Variants in GLB1L3 observed in about 807,000 individuals in gnomAD.
The protein encoded by GLB1L3 is beta-galactosidase-1-like protein 3.
A neutral mutation model predicts 89.5 loss-of-function variants in GLB1L3; 89 were observed. The observed-to-expected ratio is 0.99, with a 90% confidence interval of 0.84 to 1.19. GLB1L3 has a LOEUF of 1.19. Ranked by LOEUF, GLB1L3 falls within the 50% of genes most tolerant of loss-of-function variation. The pLI is 0.00. For missense variants in GLB1L3, 812 were observed against 813.3 expected, an observed-to-expected ratio of 1.00 and a Z score of 0.02; for synonymous variants, 314 against 312.3, an observed-to-expected ratio of 1.01 and a Z score of -0.06.
chr11:134,293,329 T>C (rs1171855497), intron 9 of GLB1L3, 120 bp downstream of exon 9: 1 of 816,390 alleles, frequency 1.2e-6, no homozygotes, highest in Non-Finnish European at 2.0e-6. Context: ...TCACCCTGGG[T>C]CCTCGGCAGG....
rs528870199 is a variant in GLB1L3 at position 134,283,266 on chromosome 11, G to A, written c.528-471G>A. ...TTAGTGGAGACGGGAGTTTCGCCAC[G>A]TTGGCCAGGCTGGTCTCGAACTCCT... On this transcript the variant is annotated intron_variant, in intron 5 of 19. Transcript: ENST00000431683. Among the ~76,000 whole-genome samples, 6 of 152,244 alleles carry A rather than the reference G, an allele frequency of 3.9e-5. No homozygotes were observed. The South Asian group carries it at 6.2e-4, about 16-fold the overall frequency.
chr11:134,298,954 C>G (rs1005550188), intron 9 of GLB1L3, among the ~76,000 whole-genome samples: 5 of 152,182 alleles, frequency 3.3e-5, no homozygotes, highest in Non-Finnish European at 7.3e-5. Context: ...GTACATTAGA[C>G]CACTTAGTGT....
chr11:134,314,060 C>A, intron 17 of GLB1L3, 32 bp downstream of exon 17: 1 of 1,381,374 alleles, frequency 7.2e-7, no homozygotes, highest in East Asian at 2.3e-5. Flanking sequence ...GTGCACACTT[C>A]AGTGATCGGG....
chr11:134,315,849 A>C (rs1942955022), intron 18 of GLB1L3, among the ~76,000 whole-genome samples: 1 of 152,118 alleles, frequency 6.6e-6, no homozygotes, highest in Non-Finnish European at 1.5e-5. Context: ...TTATTTTTAT[A>C]ATGTCTTGAC....
At chr11:134,312,303 G>T in intron 13 of GLB1L3, 46 bp from the exon 14 acceptor site, 1 of 1,600,952 alleles carries the variant, frequency 6.2e-7, no homozygotes, top group African/African-American at 1.3e-5. Context: ...GGAGGATCCT[G>T]ACTGCTCAGC....
At chr11:134,304,980 G>T in intron 9 of GLB1L3, 1 of 782,820 alleles carries the variant, frequency 1.3e-6, no homozygotes, top group Non-Finnish European at 1.8e-6. Flanking sequence ...AGAAGTTGCT[G>T]TGAGAGCCCG....
intron 5 of GLB1L3, among the ~76,000 whole-genome samples, chr11:134,283,067 ATTTTT>A (rs896541749): frequency 6.8e-6 from 1 of 147,890 alleles, no homozygotes; most frequent in East Asian, 2.0e-4. Flanking sequence ...GTCCCCAAGA[ATTTTT>A]TTTTTTTAAG....
At chr11:134,295,240 G>A (rs1264209743) in intron 9 of GLB1L3, among the ~76,000 whole-genome samples, 1 of 152,224 alleles carries the variant, frequency 6.6e-6, no homozygotes, top group African/African-American at 2.4e-5. Context: ...ATCTGGACCT[G>A]AAGTTTTCCT....
At chr11:134,314,511 G>A in intron 18 of GLB1L3, 70 bp downstream of exon 18, 1 of 972,160 alleles carries the variant, frequency 1.0e-6, no homozygotes, top group Non-Finnish European at 1.6e-6. Context: ...CTGAAGCAAA[G>A]CCAGCGTTCC....
In GLB1L3 at chr11:134,310,554, G is replaced by T; in HGVS notation, c.1100-17G>T. 6.2e-7 allele frequency: 1 copy of T among 1,603,428 alleles called. No individual in the cohort carries two copies. Among genetic ancestry groups the T allele is most frequent in the Non-Finnish European group, 8.5e-7 (1 of 1,172,042 alleles). On this transcript the variant is annotated splice_polypyrimidine_tract_variant and intron_variant, in intron 11 of 19. Coordinates refer to ENST00000431683, the MANE Select transcript of GLB1L3 (RefSeq NM_001080407.3). Reference sequence around the variant, plus strand: ...GCAGAGACTGCATGGCTGGTGACTGGCCCTGGTGTCTTGCAGACTATGATG... The same window carrying T: ...GCAGAGACTGCATGGCTGGTGACTGTCCCTGGTGTCTTGCAGACTATGATG...
At chr11:134,325,255 G>T in the GLB1L3 span, among the ~76,000 whole-genome samples, 1 of 152,052 alleles carries the variant, frequency 6.6e-6, no homozygotes, top group Non-Finnish European at 1.5e-5. Context: ...GAGTACAGTC[G>T]TCCTGCAGCA....
At chr11:134,301,132 C>T (rs1941928734) in intron 9 of GLB1L3, among the ~76,000 whole-genome samples, 1 of 152,172 alleles carries the variant, frequency 6.6e-6, no homozygotes, top group African/African-American at 2.4e-5. Context: ...GAGGATCTAG[C>T]CCCAGGTAAG....
At chr11:134,306,008 A>G (rs1171279323) in intron 9 of GLB1L3, among the ~76,000 whole-genome samples, 2 of 152,182 alleles carry the variant, frequency 1.3e-5, no homozygotes, top group Non-Finnish European at 2.9e-5. Context: ...ACTGGTTGCA[A>G]AAAGAGTGGA....
Position 134,286,519 on chromosome 11 carries a change from T to A in GLB1L3, c.637-2279T>A, listed in dbSNP as rs547598199. Among the ~76,000 whole-genome samples, 10 of 1,296 alleles carry A rather than the reference T, an allele frequency of 7.7e-3. No individual in the cohort carries two copies. The Admixed American group carries it at 0.13, about 17-fold the overall frequency. 0.9% of individuals were successfully genotyped at this position (1,296 alleles called of 152,430 possible). A position where few individuals can be genotyped will look rare whatever the true frequency, so the allele number is the denominator to read the frequency against. ...GGCCGGGCGCGGTGGCTCACGCCTG[T>A]TAATCCCAGCACTTTGGGAGGCTGA... On this transcript the variant is annotated intron_variant, in intron 6 of 19. Transcript: ENST00000431683.
At chr11:134,284,499 AG>A (rs893995212) in intron 6 of GLB1L3, among the ~76,000 whole-genome samples, 2 of 152,212 alleles carry the variant, frequency 1.3e-5, no homozygotes, top group Middle Eastern at 3.4e-3. Context: ...AGGCCGAGGC[AG>A]GGGGGTCACC....
At position 134,276,624 on chromosome 11, in the gene GLB1L3, G is replaced by T. The variant is rs2136096694; in HGVS notation, c.-117G>T. The T allele has an allele frequency of 8.4e-6, 8 of 950,534 alleles. No individual in the cohort carries two copies. The highest frequency in any genetic ancestry group is 3.8e-4 in the Middle Eastern group (1 of 2,660). 58.9% of individuals were successfully genotyped at this position (950,534 alleles called of 1,614,324 possible). A position where few individuals can be genotyped will look rare whatever the true frequency, so the allele number is the denominator to read the frequency against. On this transcript the variant is annotated 5_prime_UTR_variant, in exon 1 of 20. Coordinates refer to ENST00000431683, the MANE Select transcript of GLB1L3 (RefSeq NM_001080407.3). ...TCTGCCTCGGCTGCAGGCGCAGCGC[G>T]CAGACCTGAGCCTGCCCCGCGGAAC... is the stretch of plus-strand genomic sequence containing the variant.
downstream of GLB1L3, among the ~76,000 whole-genome samples, chr11:134,322,900 C>T (rs147925824): frequency 1.3e-5 from 2 of 152,150 alleles, no homozygotes; most frequent in Non-Finnish European, 2.9e-5. Flanking sequence ...TTTGTGTGGT[C>T]GTATGTTTTC....
intron 7 of GLB1L3, among the ~76,000 whole-genome samples, chr11:134,291,477 C>G (rs2136143963): frequency 1.3e-5 from 2 of 152,216 alleles, no homozygotes; most frequent in Middle Eastern, 3.4e-3. Context: ...AACTCTTGAC[C>G]TCAAATGATC....
chr11:134,319,041 G>A lies in GLB1L3; in HGVS notation c.*99G>A. On this transcript the variant is annotated 3_prime_UTR_variant, in exon 20 of 20. Coordinates refer to ENST00000431683, the MANE Select transcript of GLB1L3 (RefSeq NM_001080407.3). ...ACAATCTCTGCTCACTGCAAGCTCA[G>A]CCTCTCGGGTTCACGCCATTCTCCT... is the stretch of plus-strand genomic sequence containing the variant. 1 of 839,902 alleles carries A rather than the reference G, an allele frequency of 1.2e-6. No individual in the cohort carries two copies. The highest frequency in any genetic ancestry group is 1.5e-5 in the South Asian group (1 of 68,124). 52.0% of individuals were successfully genotyped at this position (839,902 alleles called of 1,614,324 possible).
Sources: gnomAD v4.1 joint callset for allele counts (sites outside exome capture counted in the v4.1 genomes callset) on GRCh38, gnomAD v4.1.1 for gene constraint, MANE v1.5 for transcripts, NCBI Gene and HGNC (gene_info 2026-07-23, HGNC 2026-07-21) for gene names.